GAREM1: variants seen among roughly 807,000 people sequenced by gnomAD.
The protein encoded by GAREM1 is GRB2 associated regulator of MAPK1 subtype 1, also known as GRB2-associated and regulator of MAPK protein 1.
A neutral mutation model predicts 71.3 loss-of-function variants in GAREM1; 26 were observed. That is an observed-to-expected ratio of 0.36 (90% CI 0.27 to 0.51). The LOEUF (loss-of-function observed/expected upper bound fraction) is 0.51. GAREM1 is among the 20% of genes least tolerant of loss of function. The probability of loss-of-function intolerance (pLI) is 0.95; values close to 1 mark genes in which losing one functional copy is unlikely to be tolerated. For synonymous variants in GAREM1, 440 were observed against 433.2 expected, an observed-to-expected ratio of 1.02 and a Z score of -0.20; for missense variants, 1,026 against 1,103.1, an observed-to-expected ratio of 0.93 and a Z score of 0.99.
intron 2 of GAREM1, among the ~76,000 whole-genome samples, chr18:32,387,405 C>A (rs914752073): frequency 6.6e-5 from 10 of 152,116 alleles, no homozygotes; most frequent in African/African-American, 2.4e-4. Context: ...CAGAAAAAAT[C>A]TTGAGTTCTG....
At chr18:32,312,889 A>C (rs899087777) in intron 2 of GAREM1, among the ~76,000 whole-genome samples, 1 of 152,188 alleles carries the variant, frequency 6.6e-6, no homozygotes, top group East Asian at 1.9e-4. Context: ...AAGCTGTTGG[A>C]AGCTTCCAAT....
intron 2 of GAREM1, among the ~76,000 whole-genome samples, chr18:32,390,853 C>T (rs2048189157): frequency 6.6e-6 from 1 of 152,162 alleles, no homozygotes; most frequent in Non-Finnish European, 1.5e-5. Context: ...GCCAACACTC[C>T]AGACCAATTA....
rs192052788 is a variant in GAREM1, at chr18:32,354,273, C to T, written c.262+38622G>A. ...TAATAACTTAGTTTGAAAGTATGAACGCATCATACTTTCAAGATAGAGTTG... is the reference window on the plus strand; with the variant it reads ...TAATAACTTAGTTTGAAAGTATGAATGCATCATACTTTCAAGATAGAGTTG... On this transcript the variant is annotated intron_variant, in intron 2 of 5. Coordinates refer to ENST00000269209, the MANE Select transcript of GAREM1 (RefSeq NM_001242409.2). Among the ~76,000 whole-genome samples the T allele has an allele frequency of 5.3e-5, 8 of 152,084 alleles. No homozygotes were observed. In the East Asian group the frequency reaches 1.4e-3, roughly 26 times the overall value.
At chr18:32,300,259 T>C (rs1230704396) in intron 3 of GAREM1, among the ~76,000 whole-genome samples, 3 of 152,234 alleles carry the variant, frequency 2.0e-5, no homozygotes, top group African/African-American at 7.2e-5. Context: ...CAGGAAAAGA[T>C]GGTCTCTCTG....
chr18:32,349,366 G>A lies in GAREM1; in HGVS notation c.263-39043C>T, dbSNP rs143176725. Among the ~76,000 whole-genome samples the A allele has an allele frequency of 5.1e-3, 769 of 152,172 alleles. 4 individuals carry two copies. The highest frequency in any genetic ancestry group is 8.5e-3 in the Non-Finnish European group (581 of 68,012). ...TCTCTCTAAATAAGTTTCAAAAACC[G>A]TCTGGATTTTCTAATATTTATGGCT... is the stretch of plus-strand genomic sequence containing the variant. On this transcript the variant is annotated intron_variant, in intron 2 of 5. Transcript: ENST00000269209.
chr18:32,274,571 G>A (rs1249258437), intron 4 of GAREM1, among the ~76,000 whole-genome samples: 3 of 152,114 alleles, frequency 2.0e-5, no homozygotes, highest in Admixed American at 6.5e-5. Context: ...GCCACCCAAG[G>A]CTCTGTGCGA....
intron 1 of GAREM1, among the ~76,000 whole-genome samples, chr18:32,433,136 T>A (rs2048639954): frequency 6.6e-6 from 1 of 151,648 alleles, no homozygotes; most frequent in African/African-American, 2.4e-5. Flanking sequence ...GTTAATTTAA[T>A]TAACCACATT....
chr18:32,395,496 G>C (rs909648864), intron 1 of GAREM1, among the ~76,000 whole-genome samples: 2 of 152,190 alleles, frequency 1.3e-5, no homozygotes, highest in Admixed American at 6.5e-5. Context: ...TAGAACAGGG[G>C]ACAGTTCACA....
At chr18:32,374,114 C>T (rs1354212693) in intron 2 of GAREM1, among the ~76,000 whole-genome samples, 6 of 152,190 alleles carry the variant, frequency 3.9e-5, no homozygotes, top group Non-Finnish European at 5.9e-5. Flanking sequence ...ATTCACACAA[C>T]ATATCTCCTA....
At chr18:32,293,162 GAC>G (rs150573267) in intron 3 of GAREM1, among the ~76,000 whole-genome samples, 4 of 149,922 alleles carry the variant, frequency 2.7e-5, no homozygotes, top group African/African-American at 9.7e-5. Flanking sequence ...CACACACACA[GAC>G]ACACACACAC....
At chr18:32,429,926 G>A (rs2144255053) in intron 1 of GAREM1, among the ~76,000 whole-genome samples, 1 of 152,176 alleles carries the variant, frequency 6.6e-6, no homozygotes, top group East Asian at 1.9e-4. Context: ...GCACTGCAAA[G>A]ACTGGTAAAC....
At chr18:32,384,882 G>A (rs557921623) in intron 2 of GAREM1, among the ~76,000 whole-genome samples, 1 of 152,208 alleles carries the variant, frequency 6.6e-6, no homozygotes, top group East Asian at 1.9e-4. Flanking sequence ...ATATGAGTGT[G>A]AATACCAATG....
At chr18:32,452,098 A>T (rs1039719926) in intron 1 of GAREM1, among the ~76,000 whole-genome samples, 1 of 152,172 alleles carries the variant, frequency 6.6e-6, no homozygotes, top group African/African-American at 2.4e-5. Flanking sequence ...ATCATTAGCT[A>T]GCCAAGACGT....
chr18:32,275,464 G>A (rs1315226914), intron 4 of GAREM1, among the ~76,000 whole-genome samples: 2 of 152,166 alleles, frequency 1.3e-5, no homozygotes, highest in Admixed American at 6.6e-5. Flanking sequence ...GGTGATCTCT[G>A]CCTATGTGTA....
chr18:32,294,244 A>G (rs2047116704), intron 3 of GAREM1, among the ~76,000 whole-genome samples: 1 of 152,176 alleles, frequency 6.6e-6, no homozygotes, highest in South Asian at 2.1e-4. Context: ...TAATGGATTC[A>G]ATTCACCCTC....
intron 4 of GAREM1, among the ~76,000 whole-genome samples, chr18:32,272,402 G>T (rs536951724): frequency 1.3e-5 from 2 of 152,238 alleles, no homozygotes; most frequent in South Asian, 4.1e-4. Context: ...CAGTGGGTTG[G>T]TGAAAGGGAA....
At chr18:32,302,539 G>A (rs937166305) in intron 3 of GAREM1, among the ~76,000 whole-genome samples, 1 of 152,166 alleles carries the variant, frequency 6.6e-6, no homozygotes, top group Non-Finnish European at 1.5e-5. Flanking sequence ...TTAAAAAGGA[G>A]GAAAATCGTG....
rs559994446 is a variant in GAREM1, at chr18:32,327,966, C to T, written c.263-17643G>A. Among the ~76,000 whole-genome samples the T allele has an allele frequency of 9.8e-3, 1,486 of 152,170 alleles. 23 individuals carry two copies. Among genetic ancestry groups the T allele is most frequent in the African/African-American group, 0.033 (1,382 of 41,514 alleles). On this transcript the variant is annotated intron_variant, in intron 2 of 5. Coordinates refer to ENST00000269209, the MANE Select transcript of GAREM1 (RefSeq NM_001242409.2). ...CAAAGGGCAAGATGCCTCTGATTCA[C>T]AGTAATATGATTAATAATATGAATA... is the stretch of plus-strand genomic sequence containing the variant.
chr18:32,448,063 C>T (rs1458414048), intron 1 of GAREM1, among the ~76,000 whole-genome samples: 1 of 152,036 alleles, frequency 6.6e-6, no homozygotes, highest in Non-Finnish European at 1.5e-5. Flanking sequence ...TAAAGAATTG[C>T]TATGGTGTAT....
Sources: allele counts gnomAD v4.1 joint callset (sites outside exome capture counted in the v4.1 genomes callset), GRCh38; gene constraint gnomAD v4.1.1; transcripts MANE v1.5; gene names NCBI Gene and HGNC (gene_info 2026-07-23, HGNC 2026-07-21).